Variants in TXNRD3 observed in about 807,000 individuals in gnomAD.
TXNRD3 encodes thioredoxin reductase 3.
A neutral mutation model predicts 78.2 loss-of-function variants in TXNRD3; 68 were observed. The observed-to-expected ratio is 0.87, with a 90% CI of 0.72 to 1.06. TXNRD3 has a LOEUF of 1.06. Ranked by LOEUF, TXNRD3 falls within the 50% of genes least tolerant of loss-of-function variation. TXNRD3 has a pLI of 0.00. For missense variants in TXNRD3, 751 were observed against 809.5 expected, an observed-to-expected ratio of 0.93 and a Z score of 0.88; for synonymous variants, 296 against 300.1, an observed-to-expected ratio of 0.99 and a Z score of 0.14.
At chr3:126,627,346 A>G (rs6775020) in intron 10 of TXNRD3, among the ~76,000 whole-genome samples, 5,171 of 152,290 alleles carry the variant, frequency 0.034, 294 homozygotes, top group African/African-American at 0.12. Flanking sequence ...TTAGAGGCAA[A>G]CCAAACAAAA....
Position 126,621,784 on chromosome 3 carries a change from G to A in TXNRD3, c.1482C>T (p.Gly494=). 1 of 1,531,726 alleles carries A rather than the reference G, an allele frequency of 6.5e-7. No individual in the cohort carries two copies. Among genetic ancestry groups the A allele is most frequent in the East Asian group, 2.4e-5 (1 of 40,860 alleles). 94.9% of individuals were successfully genotyped at this position (1,531,726 alleles called of 1,614,324 possible). ...CAAAAAGTCTCTGAGCTAGCAGCTT[G>A]CCTGACTGTATGGCGACAGGAGTGA... The change falls in exon 12 of 16, where the codon GGC becomes GGT. Residue 494 remains glycine, a synonymous_variant. Coordinates refer to ENST00000524230, the MANE Select transcript of TXNRD3 (RefSeq NM_052883.3).
At chr3:126,629,936 T>G (rs1211183571) in intron 9 of TXNRD3, among the ~76,000 whole-genome samples, 1 of 152,216 alleles carries the variant, frequency 6.6e-6, no homozygotes, top group East Asian at 1.9e-4. Flanking sequence ...AAATAGGAGA[T>G]ATAAATCTGA....
intron 8 of TXNRD3, 136 bp from the exon 9 acceptor site, chr3:126,631,073 T>A: frequency 2.2e-6 from 2 of 891,124 alleles, no homozygotes; most frequent in South Asian, 3.7e-5. Context: ...TTTTGAAATT[T>A]GTAATTGAGT....
chr3:126,654,968 G>T lies in TXNRD3; in HGVS notation c.23C>A (p.Ser8Ter). 7.7e-7 allele frequency: 1 copy of T among 1,299,222 alleles called. No individual in the cohort carries two copies. The highest frequency in any genetic ancestry group is 2.4e-5 in the South Asian group (1 of 41,824). The allele number at this position is 1,299,222 out of a possible 1,614,324, so 80.5% of individuals were successfully genotyped here. The change falls in exon 1 of 16, where the codon TCG becomes TAG. Residue 8 changes from serine (S) to a stop codon, truncating the protein, a stop_gained. Transcript: ENST00000524230. LOFTEE classifies it high-confidence loss of function. The stretch of plus-strand genomic sequence containing the variant: ...ATCGCCCGCCTTTCCCGGCCCGGGC[G>T]ACTGCGGCGGCGACCGCTCCAGAGT...
At chr3:126,634,808 C>G (rs536606930) in intron 6 of TXNRD3, among the ~76,000 whole-genome samples, 10 of 152,252 alleles carry the variant, frequency 6.6e-5, no homozygotes, top group African/African-American at 2.4e-4. Flanking sequence ...AACCAACAAC[C>G]TGAGGTCAAG....
intron 10 of TXNRD3, among the ~76,000 whole-genome samples, chr3:126,627,608 T>C (rs1258234065): frequency 6.6e-6 from 1 of 152,090 alleles, no homozygotes; most frequent in Non-Finnish European, 1.5e-5. Flanking sequence ...CCAATACATT[T>C]GAAAACTCAG....
chr3:126,629,193 G>A (rs778311265), intron 10 of TXNRD3, among the ~76,000 whole-genome samples, 186 bp downstream of exon 10: 33 of 152,130 alleles, frequency 2.2e-4, no homozygotes, highest in African/African-American at 7.0e-4. Context: ...ATACTTTACC[G>A]TGGTATTCCT....
intron 14 of TXNRD3, among the ~76,000 whole-genome samples, 187 bp downstream of exon 14, chr3:126,610,850 A>G (rs764759158): frequency 5.3e-5 from 8 of 152,132 alleles, no homozygotes; most frequent in Non-Finnish European, 1.2e-4. Flanking sequence ...AGACTATAAA[A>G]GTGCAGCAGT....
At chr3:126,641,060 GA>G (rs1933073794) in intron 6 of TXNRD3, among the ~76,000 whole-genome samples, 1 of 152,142 alleles carries the variant, frequency 6.6e-6, no homozygotes, top group East Asian at 1.9e-4. Flanking sequence ...TCCAGCCTCA[GA>G]CTTGAGTCAC....
rs1054350971 is a variant in TXNRD3 at position 126,655,065 on chromosome 3, G to A, written c.-75C>T. Reference sequence around the variant, plus strand: ...GCAGGCGGCTGCGGCGCCGGGACGGGGCCTGAGGGGCGGCGAACGCTGCCC... The same window carrying A: ...GCAGGCGGCTGCGGCGCCGGGACGGAGCCTGAGGGGCGGCGAACGCTGCCC... On this transcript the variant is annotated 5_prime_UTR_variant, in exon 1 of 16. Coordinates refer to ENST00000524230, the MANE Select transcript of TXNRD3 (RefSeq NM_052883.3). The A allele has an allele frequency of 2.3e-6, 3 of 1,299,388 alleles. No homozygotes were observed. Among genetic ancestry groups the A allele is most frequent in the African/African-American group, 1.6e-5 (1 of 64,258 alleles). 80.5% of individuals were successfully genotyped at this position (1,299,388 alleles called of 1,614,324 possible). A position where few individuals can be genotyped will look rare whatever the true frequency, so the allele number is the denominator to read the frequency against.
chr3:126,638,336 C>T (rs1485074462), intron 6 of TXNRD3, among the ~76,000 whole-genome samples: 2 of 152,154 alleles, frequency 1.3e-5, no homozygotes, highest in Admixed American at 1.3e-4. Flanking sequence ...CTCTCTTTTG[C>T]TGCTCAGATT....
chr3:126,645,967 A>G (rs1246660201), intron 3 of TXNRD3, 144 bp downstream of exon 3: 8 of 595,668 alleles, frequency 1.3e-5, no homozygotes, highest in South Asian at 9.4e-5. Flanking sequence ...TAAAGCAATC[A>G]GTATTATCTG....
At chr3:126,611,595 T>A (rs1938200210) in intron 13 of TXNRD3, among the ~76,000 whole-genome samples, 1 of 152,164 alleles carries the variant, frequency 6.6e-6, no homozygotes, top group Non-Finnish European at 1.5e-5. Context: ...AGAGCAGGGA[T>A]CATGTCTCTC....
Position 126,633,929 on chromosome 3 carries a change from C to A in TXNRD3, c.835G>T (p.Val279Phe), listed in dbSNP as rs1938787021. Residue 279 changes from valine (V) to phenylalanine (F), a missense_variant, in exon 7 of 16, where the codon GTT becomes TTT. Coordinates refer to ENST00000524230, the MANE Select transcript of TXNRD3 (RefSeq NM_052883.3). ...ACTACCTTTATTTTATGATGTTCAA[C>A]AAATTCTCCATAGGAATTGACATAG... 1.3e-6 allele frequency: 2 copies of A among 1,504,760 alleles called. No individual in the cohort carries two copies. Among genetic ancestry groups the A allele is most frequent in the Non-Finnish European group, 1.8e-6 (2 of 1,132,802 alleles). The allele number at this position is 1,504,760 out of a possible 1,614,324, so 93.2% of individuals were successfully genotyped here.
chr3:126,654,572 T>A (rs1933463411), intron 1 of TXNRD3, among the ~76,000 whole-genome samples, 176 bp downstream of exon 1: 1 of 152,090 alleles, frequency 6.6e-6, no homozygotes, highest in South Asian at 2.1e-4. Context: ...TCTGTTTTGA[T>A]AAACTATCAC....
chr3:126,631,647 T>C (rs921296298), intron 8 of TXNRD3, 117 bp downstream of exon 8: 3 of 697,700 alleles, frequency 4.3e-6, no homozygotes, highest in African/African-American at 3.6e-5. Flanking sequence ...TTGCATTGTA[T>C]ATATTTTCAT....
rs541847163 is a variant in TXNRD3 at position 126,647,266 on chromosome 3, C to T, written c.274G>A (p.Glu92Lys). 14 of 1,535,488 alleles carry T rather than the reference C, an allele frequency of 9.1e-6. No individual in the cohort carries two copies. Among genetic ancestry groups the T allele is most frequent in the South Asian group, 3.6e-5 (3 of 83,964 alleles). The change falls in exon 2 of 16, where the codon GAA (glutamate) becomes AAA (lysine). Residue 92 changes from glutamate to lysine, a missense_variant. By Grantham distance (56) the Glu-to-Lys change is moderately conservative. Transcript: ENST00000524230. ...TGATCAAGTTCCAAGACATTACATT[C>T]GACTCCCAAAGAAGAAAAGAGTTCT...
At chr3:126,615,516 T>C in intron 12 of TXNRD3, 54 bp from the exon 13 acceptor site, 1 of 891,412 alleles carries the variant, frequency 1.1e-6, no homozygotes, top group Non-Finnish European at 1.7e-6. Flanking sequence ...ATAGCAAAAA[T>C]CTATATTGCA....
intron 14 of TXNRD3, 28 bp downstream of exon 14, chr3:126,611,009 C>T (rs759186645): frequency 6.2e-5 from 78 of 1,256,716 alleles, no homozygotes; most frequent in Non-Finnish European, 7.4e-6. Context: ...AAAATCACAG[C>T]ATTTTGGCTT....
Sources: gnomAD v4.1 joint callset for allele counts (sites outside exome capture counted in the v4.1 genomes callset) on GRCh38, gnomAD v4.1.1 for gene constraint, MANE v1.5 for transcripts, NCBI Gene and HGNC (gene_info 2026-07-23, HGNC 2026-07-21) for gene names.